CSMD1: variants seen among roughly 807,000 people sequenced by gnomAD.
CSMD1 encodes the protein CUB and Sushi multiple domains 1.
Under a neutral mutation model 417.5 loss-of-function variants are expected in CSMD1, and 213 were observed. The ratio of observed to expected loss-of-function variants is 0.51; its 90% CI spans 0.46 to 0.57. CSMD1 has a LOEUF of 0.57. Ranked by LOEUF, CSMD1 falls within the 20% of genes least tolerant of loss-of-function variation. The probability of loss-of-function intolerance (pLI) is 0.00; values close to 1 mark genes in which losing one functional copy is unlikely to be tolerated. For missense variants in CSMD1, 6,923 were observed against 4,529.7 expected, an observed-to-expected ratio of 1.53 and a Z score of -15.17; for synonymous variants, 2,862 against 1,736.8, an observed-to-expected ratio of 1.65 and a Z score of -16.11.
chr8:3,452,683 G>C (rs1428962205), intron 12 of CSMD1, among the ~76,000 whole-genome samples: 2 of 152,152 alleles, frequency 1.3e-5, no homozygotes, highest in Admixed American at 1.3e-4. Context: ...GATCATGGTG[G>C]ATAAGGTTTT....
chr8:3,018,587 T>G lies in CSMD1; in HGVS notation c.7919A>C (p.Tyr2640Ser), dbSNP rs1458751393. Residue 2640 changes from tyrosine to serine, a missense_variant, in exon 52 of 70, where the codon TAT becomes TCT. By Grantham distance (144) the Tyr-to-Ser change is moderately radical. Transcript: ENST00000635120. The part of the protein sequence containing the change: ...NGNKIGTLTV[Y>S]GATAIFTCNT... ...GCACGTAAATATAGCTGTGGCCCCATAAACTGTCAACGTTCCAATCTTGTT... is the reference window on the plus strand; with the variant it reads ...GCACGTAAATATAGCTGTGGCCCCAGAAACTGTCAACGTTCCAATCTTGTT... 4 of 1,613,514 alleles carry G rather than the reference T, an allele frequency of 2.5e-6. No homozygotes were observed. In the African/African-American group the frequency reaches 5.3e-5, roughly 22 times the overall value.
At chr8:3,717,650 T>C (rs1197931877) in intron 6 of CSMD1, among the ~76,000 whole-genome samples, 8 of 152,196 alleles carry the variant, frequency 5.3e-5, no homozygotes, top group Admixed American at 2.6e-4. Flanking sequence ...TATGTATTTA[T>C]TATTAATGCT....
intron 5 of CSMD1, among the ~76,000 whole-genome samples, chr8:3,899,068 G>C (rs528702276): frequency 1.3e-5 from 2 of 152,258 alleles, no homozygotes; most frequent in South Asian, 4.1e-4. Context: ...AATAAAATGA[G>C]GAATAAATAG....
chr8:3,768,717 C>T (rs952205842), intron 5 of CSMD1, among the ~76,000 whole-genome samples: 21 of 152,192 alleles, frequency 1.4e-4, no homozygotes, highest in African/African-American at 4.8e-4. Flanking sequence ...TATGTAATTT[C>T]TTTATTAACA....
intron 1 of CSMD1, among the ~76,000 whole-genome samples, chr8:4,978,833 G>C (rs917113113): frequency 4.0e-5 from 6 of 151,888 alleles, no homozygotes; most frequent in African/African-American, 1.4e-4. Context: ...AGCTACTCGG[G>C]AGGTTGAGGC....
In CSMD1 at chr8:4,708,079, G is replaced by A. The variant is rs375085091; in HGVS notation, c.86-70521C>T. ...CTACCTCAGCCTCTGCAGTAGCTGG[G>A]AGAACAGGCATCTGCCAATACACTG... On this transcript the variant is annotated intron_variant, in intron 1 of 69. Transcript: ENST00000635120. 3.0e-3 allele frequency among the ~76,000 whole-genome samples: 462 copies of A among 152,172 alleles called. 3 individuals carry two copies. The highest frequency in any genetic ancestry group is 0.017 in the South Asian group (83 of 4,816).
intron 1 of CSMD1, chr8:4,787,291 C>G (rs891179257): frequency 1.5e-6 from 1 of 674,880 alleles, no homozygotes; most frequent in Non-Finnish European, 2.7e-6. Context: ...AGCTCTGCCT[C>G]ACTTACCGGC....
At chr8:4,819,416 T>G (rs774348008) in intron 1 of CSMD1, among the ~76,000 whole-genome samples, 2 of 151,732 alleles carry the variant, frequency 1.3e-5, no homozygotes, top group Admixed American at 6.6e-5. Flanking sequence ...GCAAGCTTCA[T>G]AGAGCAAATA....
chr8:4,072,704 T>C (rs533033423), intron 3 of CSMD1, among the ~76,000 whole-genome samples: 59 of 152,334 alleles, frequency 3.9e-4, no homozygotes, highest in Admixed American at 3.5e-3. Flanking sequence ...ACTCTGTGAA[T>C]TGGGAATACA....
intron 10 of CSMD1, among the ~76,000 whole-genome samples, chr8:3,533,791 A>G (rs1798076834): frequency 6.6e-6 from 1 of 152,148 alleles, no homozygotes; most frequent in Non-Finnish European, 1.5e-5. Context: ...AACTATCACA[A>G]AACCTGGAAA....
intron 5 of CSMD1, among the ~76,000 whole-genome samples, chr8:3,765,479 T>C (rs1363389094): frequency 1.3e-5 from 2 of 152,200 alleles, no homozygotes; most frequent in African/African-American, 4.8e-5. Flanking sequence ...CTACCTCACC[T>C]CTGCACTCTG....
intron 3 of CSMD1, among the ~76,000 whole-genome samples, chr8:4,371,037 T>A (rs182320114): frequency 6.6e-6 from 1 of 152,332 alleles, no homozygotes; most frequent in East Asian, 1.9e-4. Flanking sequence ...TGGTTCATTC[T>A]CTTTTGTGAA....
intron 53 of CSMD1, among the ~76,000 whole-genome samples, chr8:2,998,779 A>C (rs1272850949): frequency 6.6e-6 from 1 of 152,238 alleles, no homozygotes. Context: ...TAACAGCAAG[A>C]CAGATCAGGG....
chr8:3,451,211 A>G lies in CSMD1; in HGVS notation c.1561+17501T>C, dbSNP rs372450056. Among the ~76,000 whole-genome samples, 3 of 152,182 alleles carry G rather than the reference A, an allele frequency of 2.0e-5. No homozygotes were observed. The East Asian group carries it at 5.8e-4, about 29-fold the overall frequency. ...TTTGAGTTCATTGTAGATTCTGGAT[A>G]TTAGCCCTTTGTCAGATGAGTACAT... On this transcript the variant is annotated intron_variant, in intron 12 of 69. Coordinates refer to ENST00000635120, the MANE Select transcript of CSMD1 (RefSeq NM_033225.6).
At chr8:3,433,435 TAAATA>T (rs922565440) in intron 12 of CSMD1, among the ~76,000 whole-genome samples, 3 of 152,218 alleles carry the variant, frequency 2.0e-5, no homozygotes, top group Admixed American at 2.0e-4. Flanking sequence ...GCTCCTAAAT[TAAATA>T]TTTTATTTTT....
At chr8:4,314,000 T>C (rs958689379) in intron 3 of CSMD1, among the ~76,000 whole-genome samples, 5 of 151,130 alleles carry the variant, frequency 3.3e-5, no homozygotes, top group African/African-American at 1.2e-4. Flanking sequence ...GGCAACAAAG[T>C]GAGAATCCGT....
intron 5 of CSMD1, among the ~76,000 whole-genome samples, chr8:3,889,490 T>A (rs998500071): frequency 4.5e-5 from 4 of 88,346 alleles, no homozygotes; most frequent in African/African-American, 9.8e-5. Context: ...TATATATATA[T>A]ATAAAATATG....
intron 3 of CSMD1, among the ~76,000 whole-genome samples, chr8:4,339,432 G>A (rs901860746): frequency 7.2e-5 from 11 of 152,062 alleles, no homozygotes; most frequent in African/African-American, 2.2e-4. Context: ...GTAAATGAGA[G>A]GCTGGTGTTT....
chr8:4,355,757 G>C (rs998956471), intron 3 of CSMD1, among the ~76,000 whole-genome samples: 1 of 152,142 alleles, frequency 6.6e-6, no homozygotes, highest in South Asian at 2.1e-4. Context: ...ATGAAGCTCT[G>C]TTTCTCCAGT....
Sources: allele counts gnomAD v4.1 joint callset (sites outside exome capture counted in the v4.1 genomes callset), GRCh38; gene constraint gnomAD v4.1.1; transcripts MANE v1.5; gene names NCBI Gene and HGNC (gene_info 2026-07-23, HGNC 2026-07-21).